PRPSAP2: variants seen among roughly 807,000 people sequenced by gnomAD.
The protein encoded by PRPSAP2 is phosphoribosyl pyrophosphate synthetase associated protein 2.
A neutral mutation model predicts 40.6 loss-of-function variants in PRPSAP2; 24 were observed. The observed-to-expected ratio is 0.59, with a 90% CI of 0.43 to 0.83. The LOEUF is 0.83. PRPSAP2 is among the 40% of genes least tolerant of loss of function. The pLI is 0.00. For missense variants in PRPSAP2, 292 were observed against 465.6 expected (o/e 0.63, Z 3.43); for synonymous variants, 149 against 164.7 (o/e 0.90, Z 0.73).
intron 6 of PRPSAP2, among the ~76,000 whole-genome samples, chr17:18,881,879 C>T (rs1799093070): frequency 7.5e-6 from 1 of 133,920 alleles, no homozygotes; most frequent in African/African-American, 2.8e-5. Context: ...CTTGCTCTGT[C>T]ACCCAGGCTG....
chr17:18,889,811 G>C lies in PRPSAP2; in HGVS notation c.529-11G>C. Reference sequence around the variant, plus strand: ...GACATGCAGTAATACCTGACTTCTTGTCTGTCACAGATCCCAGATTACAGG... The same window carrying C: ...GACATGCAGTAATACCTGACTTCTTCTCTGTCACAGATCCCAGATTACAGG... On this transcript the variant is annotated splice_polypyrimidine_tract_variant and intron_variant, in intron 7 of 11. Transcript: ENST00000268835. The C allele has an allele frequency of 6.2e-7, 1 of 1,604,420 alleles. No homozygotes were observed. The highest frequency in any genetic ancestry group is 1.1e-5 in the South Asian group (1 of 88,914).
intron 9 of PRPSAP2, among the ~76,000 whole-genome samples, chr17:18,920,069 C>A (rs1204714689): frequency 3.9e-5 from 6 of 152,300 alleles, no homozygotes; most frequent in African/African-American, 1.4e-4. Context: ...AGAATCCTTG[C>A]CTGGCCTCAG....
chr17:18,883,976 T>A (rs1439101859), intron 7 of PRPSAP2, among the ~76,000 whole-genome samples: 2 of 151,036 alleles, frequency 1.3e-5, no homozygotes, highest in Non-Finnish European at 1.5e-5. Flanking sequence ...ACAAGAAACA[T>A]AAAAACTCTA....
intron 1 of PRPSAP2, among the ~76,000 whole-genome samples, chr17:18,860,932 A>G (rs544687076): frequency 1.3e-4 from 20 of 152,268 alleles, no homozygotes; most frequent in African/African-American, 4.3e-4. Context: ...CATACATGTT[A>G]TAAATAATTC....
chr17:18,908,461 A>C (rs1295984179), intron 8 of PRPSAP2: 2 of 759,954 alleles, frequency 2.6e-6, no homozygotes, highest in Non-Finnish European at 4.9e-6. Context: ...AGGATCTCCC[A>C]GAATGGAAGG....
At chr17:18,880,794 T>G (rs2038673011) in intron 6 of PRPSAP2, among the ~76,000 whole-genome samples, 1 of 152,176 alleles carries the variant, frequency 6.6e-6, no homozygotes, top group Non-Finnish European at 1.5e-5. Context: ...TTAAAGACTC[T>G]TCTGTATTAC....
chr17:18,896,137 T>C (rs569114374), intron 8 of PRPSAP2, among the ~76,000 whole-genome samples: 1 of 152,206 alleles, frequency 6.6e-6, no homozygotes, highest in African/African-American at 2.4e-5. Context: ...AATTATGTAA[T>C]GTGAAAAATC....
intron 4 of PRPSAP2, among the ~76,000 whole-genome samples, chr17:18,872,187 G>A (rs1358954634): frequency 1.3e-5 from 2 of 151,750 alleles, no homozygotes; most frequent in African/African-American, 2.4e-5. Context: ...GCAGGAGAAT[G>A]GCATGAACCC....
chr17:18,916,406 G>C (rs1047399532), intron 9 of PRPSAP2, among the ~76,000 whole-genome samples: 2 of 139,816 alleles, frequency 1.4e-5, no homozygotes, highest in Non-Finnish European at 3.1e-5. Context: ...ACGGAATTTC[G>C]CTCTTGTTGC....
chr17:18,899,831 C>T (rs111832765), intron 8 of PRPSAP2, among the ~76,000 whole-genome samples: 1,775 of 151,920 alleles, frequency 0.012, 35 homozygotes, highest in African/African-American at 0.041. Flanking sequence ...CCACCACCCC[C>T]AGCCCAACTG....
chr17:18,899,771 G>C (rs2040154088), intron 8 of PRPSAP2, among the ~76,000 whole-genome samples: 1 of 152,232 alleles, frequency 6.6e-6, no homozygotes, highest in South Asian at 2.1e-4. Flanking sequence ...CTGAGCTCAA[G>C]TGATCTGCCC....
intron 9 of PRPSAP2, among the ~76,000 whole-genome samples, chr17:18,915,638 C>T (rs150263904): frequency 4.0e-4 from 61 of 152,086 alleles, no homozygotes; most frequent in South Asian, 1.5e-3. Flanking sequence ...AGAGAGGAAA[C>T]GAGAGAGCCT....
At chr17:18,871,982 G>GT (rs1447211414) in intron 4 of PRPSAP2, among the ~76,000 whole-genome samples, 1 of 152,062 alleles carries the variant, frequency 6.6e-6, no homozygotes, top group Non-Finnish European at 1.5e-5. Flanking sequence ...TAAAGATACT[G>GT]TGCTCAGGCT....
intron 1 of PRPSAP2, among the ~76,000 whole-genome samples, chr17:18,861,251 G>C (rs1334732556): frequency 6.6e-6 from 1 of 151,924 alleles, no homozygotes; most frequent in African/African-American, 2.4e-5. Context: ...GATTACCTGA[G>C]CTTGGGAGTT....
chr17:18,867,163 TATA>T (rs774680518), intron 3 of PRPSAP2, 116 bp from the exon 4 acceptor site: 59 of 1,064,224 alleles, frequency 5.5e-5, no homozygotes, highest in Non-Finnish European at 7.3e-5. Flanking sequence ...CTTTAAATTT[TATA>T]AGAAGAATAA....
At chr17:18,922,362 C>G (rs2041731876) in intron 9 of PRPSAP2, among the ~76,000 whole-genome samples, 1 of 152,132 alleles carries the variant, frequency 6.6e-6, no homozygotes, top group Admixed American at 6.5e-5. Flanking sequence ...CTGCCAGACT[C>G]TTTTTTCACA....
At chr17:18,907,526 A>C (rs776667179) in intron 8 of PRPSAP2, among the ~76,000 whole-genome samples, 8 of 152,220 alleles carry the variant, frequency 5.3e-5, no homozygotes, top group Non-Finnish European at 1.2e-4. Flanking sequence ...GGAGACTTGA[A>C]CAACCCCTTC....
Position 18,885,405 on chromosome 17 carries a change from A to C in PRPSAP2, c.528+2722A>C, listed in dbSNP as rs552549339. Among the ~76,000 whole-genome samples, 222 of 117,866 alleles carry C rather than the reference A, an allele frequency of 1.9e-3. 1 individual carries two copies. The highest frequency in any genetic ancestry group is 4.5e-3 in the Middle Eastern group (1 of 222). The allele number at this position is 117,866 out of a possible 152,430, so 77.3% of individuals were successfully genotyped here. A position where few individuals can be genotyped will look rare whatever the true frequency, so the allele number is the denominator to read the frequency against. ...CGACAGAGTGAGATTCCTTCTCACAAAAAAAAAAAAAAAAAAAAAAAAAAT... is the reference window on the plus strand; with the variant it reads ...CGACAGAGTGAGATTCCTTCTCACACAAAAAAAAAAAAAAAAAAAAAAAAT... On this transcript the variant is annotated intron_variant, in intron 7 of 11. Coordinates refer to ENST00000268835, the MANE Select transcript of PRPSAP2 (RefSeq NM_002767.4).
chr17:18,910,624 A>G (rs1341314427), intron 8 of PRPSAP2, among the ~76,000 whole-genome samples: 2 of 152,186 alleles, frequency 1.3e-5, no homozygotes, highest in Non-Finnish European at 2.9e-5. Context: ...GGGCACATAC[A>G]GCCTTCAGAG....
Sources: allele counts gnomAD v4.1 joint callset (sites outside exome capture counted in the v4.1 genomes callset), GRCh38; gene constraint gnomAD v4.1.1; transcripts MANE v1.5; gene names NCBI Gene and HGNC (gene_info 2026-07-23, HGNC 2026-07-21).